CRADD: variants seen among roughly 807,000 people sequenced by gnomAD.
CRADD encodes CARD and death domain containing adaptor protein, also known as death domain-containing protein CRADD.
A neutral mutation model predicts 15.5 loss-of-function variants in CRADD; 9 were observed. That is an observed-to-expected ratio of 0.58 (90% CI 0.35 to 1.01). The LOEUF (loss-of-function observed/expected upper bound fraction) is 1.01, where lower values mean the gene tolerates loss of function less well. Among genes scored for constraint, CRADD ranks in the 50% least tolerant of loss-of-function variants. The pLI is 0.02. For missense variants in CRADD, 227 were observed against 250.3 expected, an observed-to-expected ratio of 0.91 and a Z score of 0.63; for synonymous variants, 118 against 107.6, an observed-to-expected ratio of 1.10 and a Z score of -0.60.
chr12:93,764,890 T>A (rs769623841), intron 2 of CRADD, among the ~76,000 whole-genome samples: 3 of 152,088 alleles, frequency 2.0e-5, no homozygotes, highest in Non-Finnish European at 4.4e-5. Flanking sequence ...TAAATACCTC[T>A]GTATCCTCTT....
At chr12:93,802,840 T>C (rs923068013) in intron 2 of CRADD, among the ~76,000 whole-genome samples, 4 of 152,200 alleles carry the variant, frequency 2.6e-5, no homozygotes, top group Admixed American at 2.0e-4. Context: ...AGCCAGCCTT[T>C]CCTCTGTGTA....
intron 2 of CRADD, among the ~76,000 whole-genome samples, chr12:93,893,853 C>A (rs1959121938): frequency 6.6e-6 from 1 of 151,774 alleles, no homozygotes; most frequent in African/African-American, 2.4e-5. Flanking sequence ...TAGCAGTGAA[C>A]CACACCACTG....
chr12:93,699,960 A>C (rs1235544047), intron 2 of CRADD, among the ~76,000 whole-genome samples: 1 of 152,204 alleles, frequency 6.6e-6, no homozygotes, highest in African/African-American at 2.4e-5. Flanking sequence ...TCAGCAGAGC[A>C]TGCAGCATGA....
At chr12:93,756,050 A>T (rs558802946) in intron 2 of CRADD, among the ~76,000 whole-genome samples, 1 of 152,270 alleles carries the variant, frequency 6.6e-6, no homozygotes, top group African/African-American at 2.4e-5. Context: ...ATGGTTTAAA[A>T]TTTTAATCAG....
chr12:93,819,273 A>G (rs1381104429), intron 2 of CRADD, among the ~76,000 whole-genome samples: 2 of 152,246 alleles, frequency 1.3e-5, no homozygotes, highest in Non-Finnish European at 2.9e-5. Flanking sequence ...CACATGGTCC[A>G]AGCCAGCAAA....
chr12:93,761,204 T>A (rs1956956880), intron 2 of CRADD, among the ~76,000 whole-genome samples: 1 of 152,034 alleles, frequency 6.6e-6, no homozygotes, highest in Admixed American at 6.6e-5. Context: ...CTAATGTGAG[T>A]TTAGATTTGG....
intron 2 of CRADD, among the ~76,000 whole-genome samples, chr12:93,724,378 CAA>C (rs58599421): frequency 0.027 from 3,606 of 131,898 alleles, 129 homozygotes; most frequent in African/African-American, 0.091. Context: ...GACCCTGTCT[CAA>C]AAAAAAAAAA....
At chr12:93,758,919 A>G (rs1433447746) in intron 2 of CRADD, among the ~76,000 whole-genome samples, 1 of 152,190 alleles carries the variant, frequency 6.6e-6, no homozygotes, top group African/African-American at 2.4e-5. Flanking sequence ...ATGAAATGAA[A>G]TAAGTTCTTG....
At chr12:93,877,428 C>T (rs1958465041) in intron 2 of CRADD, among the ~76,000 whole-genome samples, 1 of 152,222 alleles carries the variant, frequency 6.6e-6, no homozygotes, top group Admixed American at 6.5e-5. Flanking sequence ...GGCAAAGTCC[C>T]CCAGACACCA....
intron 2 of CRADD, among the ~76,000 whole-genome samples, chr12:93,706,317 T>C (rs1204790682): frequency 6.6e-6 from 1 of 152,246 alleles, no homozygotes; most frequent in African/African-American, 2.4e-5. Context: ...AATGTACCAA[T>C]GGTGAGTGTG....
chr12:93,834,183 G>C (rs184907379), intron 2 of CRADD, among the ~76,000 whole-genome samples: 46 of 152,280 alleles, frequency 3.0e-4, no homozygotes, highest in African/African-American at 1.1e-3. Context: ...ACTCTTGATC[G>C]GTTAGGTCAC....
At chr12:93,787,654 C>A (rs1957295373) in intron 2 of CRADD, among the ~76,000 whole-genome samples, 1 of 152,154 alleles carries the variant, frequency 6.6e-6, no homozygotes. Context: ...ATACCAAGTT[C>A]TTTAAAACTA....
intron 2 of CRADD, among the ~76,000 whole-genome samples, chr12:93,821,028 A>C (rs921477051): frequency 6.6e-6 from 1 of 152,278 alleles, no homozygotes; most frequent in Non-Finnish European, 1.5e-5. Context: ...TGTGCCCCTG[A>C]GGGCTGTAGC....
chr12:93,809,305 T>C (rs934201048), intron 2 of CRADD, among the ~76,000 whole-genome samples: 8 of 152,170 alleles, frequency 5.3e-5, no homozygotes, highest in African/African-American at 1.2e-4. Context: ...ATACACCAGG[T>C]TTATTCTTTT....
chr12:93,706,848 T>G (rs1182613202), intron 2 of CRADD, among the ~76,000 whole-genome samples: 2 of 152,238 alleles, frequency 1.3e-5, no homozygotes, highest in Admixed American at 6.5e-5. Context: ...GATAGAATTG[T>G]GCATTTCATT....
At chr12:93,845,330 A>G (rs1362136034) in intron 2 of CRADD, among the ~76,000 whole-genome samples, 3 of 152,250 alleles carry the variant, frequency 2.0e-5, no homozygotes, top group Non-Finnish European at 4.4e-5. Context: ...AGCAAAGAGC[A>G]GTTCTGGACA....
chr12:93,678,698 T>TTG, intron 1 of CRADD, 71 bp from the exon 2 acceptor site: 1 of 1,506,718 alleles, frequency 6.6e-7, no homozygotes. Flanking sequence ...GGAACTTACA[T>TTG]TGCAGTGACA....
intron 2 of CRADD, among the ~76,000 whole-genome samples, chr12:93,733,083 T>C (rs777067786): frequency 1.3e-5 from 2 of 152,214 alleles, no homozygotes; most frequent in Admixed American, 6.5e-5. Flanking sequence ...TGAAGTGATA[T>C]AGGCTAAGTG....
At chr12:93,787,303 G>C (rs144761515) in intron 2 of CRADD, among the ~76,000 whole-genome samples, 1 of 114,776 alleles carries the variant, frequency 8.7e-6, no homozygotes, top group Non-Finnish European at 1.8e-5. Flanking sequence ...TAGTATGACA[G>C]GGTTTTTTTT....
Sources: allele counts gnomAD v4.1 joint callset (sites outside exome capture counted in the v4.1 genomes callset), GRCh38; gene constraint gnomAD v4.1.1; transcripts MANE v1.5; gene names NCBI Gene and HGNC (gene_info 2026-07-23, HGNC 2026-07-21).